The following MALRD1 variants were observed in gnomAD, a reference collection of about 807,000 sequenced individuals.
The protein encoded by MALRD1 is MAM and LDL receptor class A domain containing 1.
In MALRD1, 247 loss-of-function variants were observed where a neutral mutation model predicts 242.1. The ratio of observed to expected loss-of-function variants is 1.02; its 90% CI spans 0.92 to 1.13. MALRD1 has a LOEUF of 1.13. Ranked by LOEUF, MALRD1 falls within the 50% of genes most tolerant of loss-of-function variation. The pLI is 0.00. For synonymous variants in MALRD1, 995 were observed against 866.6 expected, an observed-to-expected ratio of 1.15 and a Z score of -2.60; for missense variants, 2,989 against 2,533.1, an observed-to-expected ratio of 1.18 and a Z score of -3.86.
chr10:19,373,473 C>G (rs1845476167), intron 26 of MALRD1, among the ~76,000 whole-genome samples: 1 of 151,414 alleles, frequency 6.6e-6, no homozygotes, highest in East Asian at 2.0e-4. Flanking sequence ...GAGCCGAGAT[C>G]ATGCCACTGC....
chr10:19,049,178 C>T (rs1834413252), intron 1 of MALRD1, 41 bp downstream of exon 1: 2 of 1,229,624 alleles, frequency 1.6e-6, no homozygotes, highest in Non-Finnish European at 2.0e-6. Context: ...ATTCCCCGTA[C>T]AGCCTGAAAC....
At chr10:19,283,317 C>CCA (rs1221387022) in intron 21 of MALRD1, 136 bp downstream of exon 21, 3 of 728,252 alleles carry the variant, frequency 4.1e-6, no homozygotes, top group Non-Finnish European at 5.7e-6. Context: ...AGGCTGTTTT[C>CCA]TTTCATACAA....
At chr10:19,118,782 G>C (rs1378922160) in intron 5 of MALRD1, among the ~76,000 whole-genome samples, 1 of 152,130 alleles carries the variant, frequency 6.6e-6, no homozygotes, top group Non-Finnish European at 1.5e-5. Flanking sequence ...CAGATGGTTG[G>C]GGCTTAGGAT....
At position 19,091,685 on chromosome 10, in the gene MALRD1, G is replaced by A. The variant is rs1407241639; in HGVS notation, c.597+3500G>A. 2.0e-3 allele frequency among the ~76,000 whole-genome samples: 171 copies of A among 84,104 alleles called. 52 individuals carry two copies. The highest frequency in any genetic ancestry group is 3.2e-3 in the Non-Finnish European group (140 of 43,880). 55.2% of individuals were successfully genotyped at this position (84,104 alleles called of 152,430 possible). A position where few individuals can be genotyped will look rare whatever the true frequency, so the allele number is the denominator to read the frequency against. On this transcript the variant is annotated intron_variant, in intron 4 of 39. Coordinates refer to ENST00000454679, the MANE Select transcript of MALRD1 (RefSeq NM_001142308.3). ...TAGTTCTTTTAATTGTGATGTTAGG[G>A]TGTCAATTTTGGATCTTTCCTGCTT...
Position 19,498,659 on chromosome 10 carries a change from G to A in MALRD1, c.5320+13G>A, listed in dbSNP as rs1215528485. On this transcript the variant is annotated intron_variant, in intron 31 of 39. Coordinates refer to ENST00000454679, the MANE Select transcript of MALRD1 (RefSeq NM_001142308.3). ...GATCACACGCCAGGTAAATCTAGTAGCCATCCCCAGACCAAGAAACCCACT... is the reference window on the plus strand; with the variant it reads ...GATCACACGCCAGGTAAATCTAGTAACCATCCCCAGACCAAGAAACCCACT... The A allele has an allele frequency of 6.5e-7, 1 of 1,543,358 alleles. No homozygotes were observed. The highest frequency in any genetic ancestry group is 1.2e-5 in the South Asian group (1 of 83,598).
intron 36 of MALRD1, among the ~76,000 whole-genome samples, chr10:19,686,196 G>A (rs1842576058): frequency 1.3e-5 from 2 of 152,138 alleles, no homozygotes; most frequent in Admixed American, 6.5e-5. Flanking sequence ...AAGTACACTG[G>A]AAGAGGGCCA....
chr10:19,722,583 A>C, intron 38 of MALRD1: 1 of 109,096 alleles, frequency 9.2e-6, no homozygotes. Flanking sequence ...GAGCAAGACC[A>C]TGTCTCTAAA....
At chr10:19,473,304 A>G (rs1284032196) in intron 29 of MALRD1, among the ~76,000 whole-genome samples, 3 of 151,880 alleles carry the variant, frequency 2.0e-5, no homozygotes, top group African/African-American at 7.2e-5. Flanking sequence ...TTAAAAAAGT[A>G]TTTAAAAATT....
At chr10:19,711,971 G>C (rs1053213845) in intron 38 of MALRD1, among the ~76,000 whole-genome samples, 1 of 152,164 alleles carries the variant, frequency 6.6e-6, no homozygotes, top group African/African-American at 2.4e-5. Flanking sequence ...TGGTCAGTTG[G>C]AAAATTGTAA....
intron 38 of MALRD1, among the ~76,000 whole-genome samples, chr10:19,720,210 G>A (rs1178869409): frequency 6.6e-6 from 1 of 152,148 alleles, no homozygotes; most frequent in Non-Finnish European, 1.5e-5. Flanking sequence ...AGGCGTTGTT[G>A]TGCTTCAAGA....
intron 36 of MALRD1, among the ~76,000 whole-genome samples, chr10:19,642,371 A>G (rs544483330): frequency 3.3e-5 from 5 of 152,268 alleles, no homozygotes; most frequent in Non-Finnish European, 7.4e-5. Flanking sequence ...AGGTACAGAA[A>G]ATACTTACGA....
At chr10:19,517,476 T>C (rs1396679155) in intron 31 of MALRD1, among the ~76,000 whole-genome samples, 1 of 152,202 alleles carries the variant, frequency 6.6e-6, no homozygotes, top group East Asian at 1.9e-4. Flanking sequence ...GCATCATGCC[T>C]TTTCTAAAGA....
chr10:19,282,882 C>T, intron 20 of MALRD1, 137 bp from the exon 21 acceptor site: 2 of 583,362 alleles, frequency 3.4e-6, no homozygotes, highest in Non-Finnish European at 2.6e-6. Flanking sequence ...TTTTACAAAC[C>T]ATTTGCCTAA....
chr10:19,445,373 TGGA>T lies in MALRD1; in HGVS notation c.4846-4929_4846-4927del, dbSNP rs199741366. Reference sequence around the variant, plus strand: ...TTGCTGACTAGGAGCTGCGTTCCTTTGGAGGAGAAGAGACACTCTGATTTTTAG... The same window carrying T: ...TTGCTGACTAGGAGCTGCGTTCCTTTGGAGAAGAGACACTCTGATTTTTAG... On this transcript the variant is annotated intron_variant, in intron 28 of 39. Coordinates refer to ENST00000454679, the MANE Select transcript of MALRD1 (RefSeq NM_001142308.3). Among the ~76,000 whole-genome samples, 1,058 of 152,334 alleles carry T rather than the reference TGGA, an allele frequency of 6.9e-3. 15 individuals carry two copies. The highest frequency in any genetic ancestry group is 0.024 in the Admixed American group (372 of 15,302).
chr10:19,159,771 C>T (rs553404741), intron 12 of MALRD1, among the ~76,000 whole-genome samples: 5 of 152,190 alleles, frequency 3.3e-5, no homozygotes, highest in African/African-American at 9.6e-5. Flanking sequence ...GACACGAGAG[C>T]CAATGGAACT....
intron 14 of MALRD1, among the ~76,000 whole-genome samples, chr10:19,200,471 A>G (rs1836469092): frequency 6.6e-6 from 1 of 152,062 alleles, no homozygotes; most frequent in African/African-American, 2.4e-5. Context: ...TCCTTATGTG[A>G]GGCCCAAATT....
intron 31 of MALRD1, among the ~76,000 whole-genome samples, chr10:19,515,356 T>G (rs932930176): frequency 6.6e-6 from 1 of 152,172 alleles, no homozygotes; most frequent in Non-Finnish European, 1.5e-5. Context: ...TCTAGAAATA[T>G]GTACTTTTTC....
At chr10:19,567,804 C>T in intron 33 of MALRD1, 101 bp downstream of exon 33, 1 of 1,053,966 alleles carries the variant, frequency 9.5e-7, no homozygotes, top group Non-Finnish European at 1.4e-6. Flanking sequence ...ATTTCTGGGT[C>T]CAGTTCTATT....
rs58034381 is a variant in MALRD1 at position 19,163,137 on chromosome 10, T to TAAAAAAAAAAAAA, written c.1657-2484_1657-2472dup. Among the ~76,000 whole-genome samples, 92 of 43,842 alleles carry TAAAAAAAAAAAAA rather than the reference T, an allele frequency of 2.1e-3. 7 individuals carry two copies. Among genetic ancestry groups the TAAAAAAAAAAAAA allele is most frequent in the African/African-American group, 2.6e-3 (31 of 12,114 alleles). 28.8% of individuals were successfully genotyped at this position (43,842 alleles called of 152,430 possible). A position where few individuals can be genotyped will look rare whatever the true frequency, so the allele number is the denominator to read the frequency against. On this transcript the variant is annotated intron_variant, in intron 12 of 39. Transcript: ENST00000454679. ...TGAACAACTGGAGTGAAACCCTGTC[T>TAAAAAAAAAAAAA]AAAAAAAAAAAAAAAAAAAAAAAAA...
Sources: allele counts gnomAD v4.1 joint callset (sites outside exome capture counted in the v4.1 genomes callset), GRCh38; gene constraint gnomAD v4.1.1; transcripts MANE v1.5; gene names NCBI Gene and HGNC (gene_info 2026-07-23, HGNC 2026-07-21).